Variants in NUDT12 observed in about 807,000 individuals in gnomAD.
NUDT12 encodes NAD-capped RNA hydrolase NUDT12.
Under a neutral mutation model 45.7 loss-of-function variants are expected in NUDT12, and 42 were observed. The observed-to-expected ratio is 0.92, with a 90% CI of 0.72 to 1.19. The LOEUF is 1.19. NUDT12 is among the 50% of genes most tolerant of loss of function. NUDT12 has a pLI of 0.00. For missense variants in NUDT12, 590 were observed against 533.1 expected, an observed-to-expected ratio of 1.11 and a Z score of -1.05; for synonymous variants, 206 against 179.7, an observed-to-expected ratio of 1.15 and a Z score of -1.17.
At chr5:103,556,273 C>A (rs755069439) in intron 3 of NUDT12, among the ~76,000 whole-genome samples, 175 bp from the exon 4 acceptor site, 25 of 150,068 alleles carry the variant, frequency 1.7e-4, no homozygotes, top group Non-Finnish European at 7.5e-5. Flanking sequence ...TTCTGGATTA[C>A]AAAAATTAGA....
At chr5:103,556,763 TA>T (rs527903124) in intron 3 of NUDT12, among the ~76,000 whole-genome samples, 49 of 152,044 alleles carry the variant, frequency 3.2e-4, no homozygotes, top group Non-Finnish European at 5.9e-4. Flanking sequence ...TGGCCAGAAA[TA>T]TTACAGTTGA....
intron 1 of NUDT12, among the ~76,000 whole-genome samples, chr5:103,561,020 T>C (rs1749016623): frequency 6.6e-6 from 1 of 151,792 alleles, no homozygotes; most frequent in Non-Finnish European, 1.5e-5. Context: ...TGCCTAATCA[T>C]GGACTGCAGA....
chr5:103,552,537 G>T, intron 5 of NUDT12, 121 bp from the exon 6 acceptor site: 1 of 702,072 alleles, frequency 1.4e-6, no homozygotes, highest in South Asian at 2.0e-5. Flanking sequence ...TAATCAGAAA[G>T]CAGAAGCCTA....
In NUDT12 at chr5:103,559,433, G is replaced by A; in HGVS notation, c.242C>T (p.Thr81Ile). 1 of 1,569,574 alleles carries A rather than the reference G, an allele frequency of 6.4e-7. No homozygotes were observed. The highest frequency in any genetic ancestry group is 8.6e-7 in the Non-Finnish European group (1 of 1,161,194). The change falls in exon 3 of 7, where the codon ACT becomes ATT. Residue 81 changes from threonine to isoleucine, a missense_variant. By Grantham distance (89) the Thr-to-Ile change is moderately conservative (BLOSUM62 -1). Transcript: ENST00000230792. ...DRSIVNKSRQ[T>I]ALDIAVFWGY... ...CCAAAATACAGCAATGTCCAGTGCA[G>A]TCTGCCTTGATTTATTGACAATTGA... is the stretch of plus-strand genomic sequence containing the variant.
rs928198958 is a variant in NUDT12 at position 103,562,747 on chromosome 5, T to C, written c.-51A>G. 4 of 129,480 alleles carry C rather than the reference T, an allele frequency of 3.1e-5. No homozygotes were observed. The highest frequency in any genetic ancestry group is 8.3e-5 in the African/African-American group (3 of 36,124). The allele number at this position is 129,480 out of a possible 1,614,324, so 8.0% of individuals were successfully genotyped here. The stretch of plus-strand genomic sequence containing the variant: ...AGGCAACCAGGATGCAGTCCAAAGA[T>C]TGGGATATCCCACTCGCTTTTCCTG... On this transcript the variant is annotated 5_prime_UTR_variant, in exon 1 of 7. Transcript: ENST00000230792.
intron 4 of NUDT12, 144 bp from the exon 5 acceptor site, chr5:103,554,997 C>G: frequency 2.5e-6 from 1 of 404,958 alleles, no homozygotes; most frequent in East Asian, 3.6e-5. Context: ...TTGCTTCTTT[C>G]TGCCCTAATG....
chr5:103,560,570 A>G (rs1749001761), intron 1 of NUDT12, among the ~76,000 whole-genome samples: 1 of 112,144 alleles, frequency 8.9e-6, no homozygotes, highest in Non-Finnish European at 1.8e-5. Flanking sequence ...TATTTAGGGT[A>G]GACCAGAGGG....
intron 6 of NUDT12, among the ~76,000 whole-genome samples, 196 bp downstream of exon 6, chr5:103,552,021 T>C (rs968946170): frequency 6.6e-6 from 1 of 152,148 alleles, no homozygotes; most frequent in African/African-American, 2.4e-5. Context: ...AAAAATCTCA[T>C]AGAATAAGTT....
At chr5:103,558,541 A>C (rs1385370094) in intron 3 of NUDT12, among the ~76,000 whole-genome samples, 1 of 152,188 alleles carries the variant, frequency 6.6e-6, no homozygotes, top group African/African-American at 2.4e-5. Flanking sequence ...TTACCATGCC[A>C]TAAAAAGCCC....
Position 103,549,293 on chromosome 5 carries a change from A to C in NUDT12, c.*1568T>G, listed in dbSNP as rs1462119821. On this transcript the variant is annotated 3_prime_UTR_variant, in exon 7 of 7. Coordinates refer to ENST00000230792, the MANE Select transcript of NUDT12 (RefSeq NM_031438.4). Reference sequence around the variant, plus strand: ...TATCTAAATGTCCTCTGTCAGTTTTAATTTGGTTTAAATTCTTGATACCAA... The same window carrying C: ...TATCTAAATGTCCTCTGTCAGTTTTCATTTGGTTTAAATTCTTGATACCAA... 1.3e-5 allele frequency: 2 copies of C among 152,026 alleles called. No individual in the cohort carries two copies. Among genetic ancestry groups the C allele is most frequent in the Non-Finnish European group, 1.5e-5 (1 of 67,918 alleles). 9.4% of individuals were successfully genotyped at this position (152,026 alleles called of 1,614,324 possible). A position where few individuals can be genotyped will look rare whatever the true frequency, so the allele number is the denominator to read the frequency against.
At chr5:103,558,574 ACAGT>A (rs1464538566) in intron 3 of NUDT12, among the ~76,000 whole-genome samples, 7 of 152,154 alleles carry the variant, frequency 4.6e-5, no homozygotes, top group Admixed American at 2.6e-4. Flanking sequence ...ACAAAACAAA[ACAGT>A]CAAAGTCTTT....
At position 103,555,965 on chromosome 5, in the gene NUDT12, G is replaced by A. The variant is rs764262601; in HGVS notation, c.930C>T (p.Leu310=). ...RLCLKEDCPS[L]NGVHNTSYPR... ...GGTATGAGGTATTATGGACGCCATTGAGACTAGGACAGTCTTCTTTTAAAC... is the reference window on the plus strand; with the variant it reads ...GGTATGAGGTATTATGGACGCCATTAAGACTAGGACAGTCTTCTTTTAAAC... The change falls in exon 4 of 7, where the codon CTC becomes CTT. Residue 310 remains leucine (L), a synonymous_variant. Transcript: ENST00000230792. 2 of 1,604,198 alleles carry A rather than the reference G, an allele frequency of 1.2e-6. No individual in the cohort carries two copies. Among genetic ancestry groups the A allele is most frequent in the Non-Finnish European group, 1.7e-6 (2 of 1,174,946 alleles).
rs1274507931 is a variant in NUDT12 at position 103,556,075 on chromosome 5, C to T, written c.820G>A (p.Val274Ile). ...TTGTATCGACTGTGCCAGGCAAGAACAGATCTTGCTTGAGCTACAACCCCT... is the reference window on the plus strand; with the variant it reads ...TTGTATCGACTGTGCCAGGCAAGAATAGATCTTGCTTGAGCTACAACCCCT... ...EAGVVAQARS[V>I]LAWHSRYKFC... is the part of the protein sequence containing the mutation. Residue 274 changes from valine to isoleucine, a missense_variant, in exon 4 of 7, where the codon GTT (valine) becomes ATT (isoleucine). Transcript: ENST00000230792. The T allele has an allele frequency of 6.2e-7, 1 of 1,609,186 alleles. No individual in the cohort carries two copies. Among genetic ancestry groups the T allele is most frequent in the Non-Finnish European group, 8.5e-7 (1 of 1,177,564 alleles).
rs1748620875 is a variant in NUDT12, at chr5:103,550,573, T to C, written c.*288A>G. 4.5e-6 allele frequency: 1 copy of C among 224,298 alleles called. No individual in the cohort carries two copies. Among genetic ancestry groups the C allele is most frequent in the African/African-American group, 2.3e-5 (1 of 44,378 alleles). 13.9% of individuals were successfully genotyped at this position (224,298 alleles called of 1,614,324 possible). A position where few individuals can be genotyped will look rare whatever the true frequency, so the allele number is the denominator to read the frequency against. On this transcript the variant is annotated 3_prime_UTR_variant, in exon 7 of 7. Coordinates refer to ENST00000230792, the MANE Select transcript of NUDT12 (RefSeq NM_031438.4). ...CATCTTTCCAACATGATGTCTCTTA[T>C]TAGAAAAATGGTTTTGTGAGATAAA...
intron 3 of NUDT12, among the ~76,000 whole-genome samples, chr5:103,556,772 T>A (rs745595754): frequency 3.3e-5 from 5 of 152,076 alleles, no homozygotes; most frequent in African/African-American, 4.8e-5. Flanking sequence ...ATATTACAGT[T>A]GAGGCAATAA....
In NUDT12 at chr5:103,554,859, G is replaced by GAAAA; in HGVS notation, c.965-10_965-7dup. The stretch of plus-strand genomic sequence containing the variant: ...TTGCATGATTACTACTGGATCTGTT[G>GAAAA]AAAAAAAAAATCAGATACATGAATG... On this transcript the variant is annotated splice_polypyrimidine_tract_variant and splice_region_variant and intron_variant, in intron 4 of 6. Coordinates refer to ENST00000230792, the MANE Select transcript of NUDT12 (RefSeq NM_031438.4). 3 of 1,016,424 alleles carry GAAAA rather than the reference G, an allele frequency of 3.0e-6. No homozygotes were observed. Among genetic ancestry groups the GAAAA allele is most frequent in the South Asian group, 1.8e-5 (1 of 56,640 alleles). The allele number at this position is 1,016,424 out of a possible 1,614,324, so 63.0% of individuals were successfully genotyped here. A position where few individuals can be genotyped will look rare whatever the true frequency, so the allele number is the denominator to read the frequency against.
chr5:103,555,944 T>C lies in NUDT12; in HGVS notation c.951A>G (p.Ser317=), dbSNP rs772832157. ...TAAAGGGCTTACCAACTCTTGGGTA[T>C]GAGGTATTATGGACGCCATTGAGAC... ...CPSLNGVHNT[S]YPRVDPVVIM... The change falls in exon 4 of 7, where the codon TCA becomes TCG. Residue 317 remains serine, a synonymous_variant. Transcript: ENST00000230792. 1.6e-5 allele frequency: 25 copies of C among 1,583,588 alleles called. No homozygotes were observed. In the Middle Eastern group the frequency reaches 5.0e-4, roughly 32 times the overall value.
intron 3 of NUDT12, among the ~76,000 whole-genome samples, chr5:103,558,266 C>T (rs1748898103): frequency 6.6e-6 from 1 of 152,016 alleles, no homozygotes; most frequent in Non-Finnish European, 1.5e-5. Flanking sequence ...AAGCCCTATC[C>T]CTTCTACCTC....
intron 2 of NUDT12, 119 bp from the exon 3 acceptor site, chr5:103,559,587 C>G (rs1159189686): frequency 5.7e-6 from 3 of 523,712 alleles, no homozygotes; most frequent in African/African-American, 2.0e-5. Flanking sequence ...TTAATGATTA[C>G]ATAGATTTTT....
Sources: allele counts gnomAD v4.1 joint callset (sites outside exome capture counted in the v4.1 genomes callset), GRCh38; gene constraint gnomAD v4.1.1; transcripts MANE v1.5; gene names NCBI Gene and HGNC (gene_info 2026-07-23, HGNC 2026-07-21).